PCDH11X: variants seen among roughly 807,000 people sequenced by gnomAD.
PCDH11X encodes protocadherin-11 X-linked.
PCDH11X carries 18 observed loss-of-function variants against 53.3 expected under a neutral mutation model. The observed-to-expected ratio is 0.34, with a 90% confidence interval of 0.23 to 0.50. The LOEUF (loss-of-function observed/expected upper bound fraction) is 0.50. Among genes scored for constraint, PCDH11X ranks in the 20% least tolerant of loss-of-function variants. The probability of loss-of-function intolerance (pLI) is 0.98; values close to 1 mark genes in which losing one functional copy is unlikely to be tolerated. For synonymous variants in PCDH11X, 279 were observed against 393.3 expected (o/e 0.71, Z 3.44); for missense variants, 570 against 1,032.4 (o/e 0.55, Z 6.14).
intron 6 of PCDH11X, among the ~76,000 whole-genome samples, chrX:91,991,963 G>GTT (rs34012763): frequency 1.9e-5 from 2 of 106,215 alleles, no homozygotes; most frequent in Non-Finnish European, 3.9e-5. Flanking sequence ...TGTCACTTAA[G>GTT]TTTTTTTTTA....
rs190871183 is a variant in PCDH11X, at chrX:92,441,618, G to A, written c.3344-26681G>A. Among the ~76,000 whole-genome samples, 165 of 112,314 alleles carry A rather than the reference G, an allele frequency of 1.5e-3. 3 individuals carry two copies. In the Admixed American group the frequency reaches 0.015, roughly 10 times the overall value. On this transcript the variant is annotated intron_variant, in intron 9 of 10. Coordinates refer to ENST00000682573, the MANE Select transcript of PCDH11X (RefSeq NM_032968.5). Reference sequence around the variant, plus strand: ...GCACAGAAGTCAGTAAGTGAGGTTTGGAAACCTCTGCCTAGACTTCAGAAG... The same window carrying A: ...GCACAGAAGTCAGTAAGTGAGGTTTAGAAACCTCTGCCTAGACTTCAGAAG...
At chrX:91,974,067 G>GA (rs2062012860) in intron 6 of PCDH11X, among the ~76,000 whole-genome samples, 1 of 111,204 alleles carries the variant, frequency 9.0e-6, no homozygotes, top group African/African-American at 3.3e-5. Context: ...TATAAATCTG[G>GA]AAAAAAATTT....
rs747357514 is a variant in PCDH11X at position 91,877,806 on chromosome X, G to T, written c.1566G>T (p.Leu522=). The T allele has an allele frequency of 5.0e-6, 6 of 1,209,696 alleles. No homozygotes were observed. In the East Asian group the frequency reaches 1.5e-4, roughly 30 times the overall value. ...GCCTGGATTGTCGTACAGGCATGCT[G>T]ACTGTAGTGAAGAAACTAGATAGAG... ...EFSLDCRTGM[L]TVVKKLDREK... is the part of the protein sequence containing the mutation. Residue 522 remains leucine, a synonymous_variant, in exon 6 of 11, where the codon CTG becomes CTT. Coordinates refer to ENST00000682573, the MANE Select transcript of PCDH11X (RefSeq NM_032968.5).
chrX:92,593,186 G>A (rs1301753960), intron 10 of PCDH11X, among the ~76,000 whole-genome samples: 2 of 110,756 alleles, frequency 1.8e-5, no homozygotes, highest in South Asian at 3.9e-4. Context: ...ATGCTTTAAG[G>A]TAATAAACGG....
chrX:91,818,698 CAA>C (rs71845262), intron 4 of PCDH11X, among the ~76,000 whole-genome samples: 2 of 96,118 alleles, frequency 2.1e-5, no homozygotes. Flanking sequence ...GACTCTATCT[CAA>C]AAAAAAAAAA....
At chrX:92,133,012 T>C (rs953990737) in intron 6 of PCDH11X, among the ~76,000 whole-genome samples, 3 of 110,881 alleles carry the variant, frequency 2.7e-5, no homozygotes, top group Non-Finnish European at 5.7e-5. Flanking sequence ...CTAGTCTTTT[T>C]AAGAGTTTCT....
intron 6 of PCDH11X, among the ~76,000 whole-genome samples, chrX:92,149,269 T>G (rs1459645858): frequency 9.2e-6 from 1 of 109,286 alleles, no homozygotes; most frequent in Admixed American, 9.9e-5. Context: ...TGTCTATTTT[T>G]TGTTCCAATG....
At chrX:92,253,785 A>G (rs772893743) in intron 7 of PCDH11X, among the ~76,000 whole-genome samples, 7 of 111,924 alleles carry the variant, frequency 6.3e-5, no homozygotes, top group South Asian at 3.7e-4. Flanking sequence ...TTGTATGTTC[A>G]TTTTGAATCC....
chrX:92,218,005 T>G (rs5942176), intron 7 of PCDH11X, among the ~76,000 whole-genome samples: 1 of 106,018 alleles, frequency 9.4e-6, no homozygotes, highest in Admixed American at 1.0e-4. Flanking sequence ...TTGAAACCAA[T>G]GAGAACAAAG....
chrX:91,967,360 G>A (rs986368020), intron 6 of PCDH11X, among the ~76,000 whole-genome samples: 5 of 110,705 alleles, frequency 4.5e-5, no homozygotes, highest in African/African-American at 6.6e-5. Context: ...GCGCATTACC[G>A]CCTGAACTTC....
rs767201790 is a variant in PCDH11X, at chrX:91,976,092, G to A, written c.3033+96819G>A. Among the ~76,000 whole-genome samples the A allele has an allele frequency of 1.1e-3, 120 of 110,997 alleles. 1 individual carries two copies. Among genetic ancestry groups the A allele is most frequent in the African/African-American group, 3.6e-3 (111 of 30,542 alleles). ...TTTTGAGACTGGGTCCCACTCTGTC[G>A]CCCAGGCTGTAGTGCAGTGGTGCGA... On this transcript the variant is annotated intron_variant, in intron 6 of 10. Transcript: ENST00000682573.
At chrX:92,145,680 TAAAC>T (rs1311897155) in intron 6 of PCDH11X, among the ~76,000 whole-genome samples, 1 of 98,326 alleles carries the variant, frequency 1.0e-5, no homozygotes, top group African/African-American at 3.7e-5. Flanking sequence ...TGCAAATAAT[TAAAC>T]AAATGGATGG....
chrX:92,564,396 G>A (rs1390822605), intron 10 of PCDH11X, among the ~76,000 whole-genome samples: 1 of 102,059 alleles, frequency 9.8e-6, no homozygotes, highest in African/African-American at 3.5e-5. Flanking sequence ...AACCAAAACA[G>A]TATGTACTTG....
intron 7 of PCDH11X, among the ~76,000 whole-genome samples, chrX:92,210,985 C>G (rs1351316892): frequency 9.0e-6 from 1 of 111,551 alleles, no homozygotes; most frequent in East Asian, 2.8e-4. Context: ...TCTTCCGAGC[C>G]CTTCAAACTG....
intron 7 of PCDH11X, among the ~76,000 whole-genome samples, chrX:92,248,649 G>C (rs1454117078): frequency 9.0e-6 from 1 of 111,435 alleles, no homozygotes; most frequent in Non-Finnish European, 1.9e-5. Flanking sequence ...TTACTCTACT[G>C]TGCTATCAAA....
At chrX:92,330,194 C>G (rs1246098932) in intron 8 of PCDH11X, among the ~76,000 whole-genome samples, 4 of 110,188 alleles carry the variant, frequency 3.6e-5, no homozygotes, top group African/African-American at 1.3e-4. Context: ...ATTTGAAAAT[C>G]TCATATTTGC....
At chrX:91,894,014 C>G (rs1046117887) in intron 6 of PCDH11X, among the ~76,000 whole-genome samples, 8 of 111,516 alleles carry the variant, frequency 7.2e-5, no homozygotes, top group Non-Finnish European at 1.3e-4. Context: ...AGGAAACATT[C>G]TGGGAAATTG....
At chrX:92,209,886 C>T (rs2066548452) in intron 7 of PCDH11X, among the ~76,000 whole-genome samples, 1 of 112,507 alleles carries the variant, frequency 8.9e-6, no homozygotes, top group African/African-American at 3.2e-5. Context: ...CTCTGTGTAA[C>T]TGCAGGCTCA....
At chrX:91,893,582 G>A (rs1309123731) in intron 6 of PCDH11X, among the ~76,000 whole-genome samples, 1 of 110,043 alleles carries the variant, frequency 9.1e-6, no homozygotes, top group Non-Finnish European at 1.9e-5. Context: ...CTATATTGAC[G>A]ACTATGGTTT....
Sources: allele counts gnomAD v4.1 joint callset (sites outside exome capture counted in the v4.1 genomes callset), GRCh38; gene constraint gnomAD v4.1.1; transcripts MANE v1.5; gene names NCBI Gene and HGNC (gene_info 2026-07-23, HGNC 2026-07-21).